The following MED12L variants were observed in gnomAD, a reference collection of about 807,000 sequenced individuals.
MED12L encodes mediator of RNA polymerase II transcription subunit 12-like protein.
A neutral mutation model predicts 281.3 loss-of-function variants in MED12L; 60 were observed. The observed-to-expected ratio is 0.21, with a 90% CI of 0.17 to 0.26. MED12L has a LOEUF of 0.26. Among genes scored for constraint, MED12L ranks in the 10% least tolerant of loss-of-function variants. The pLI, the probability that MED12L is intolerant of heterozygous loss-of-function variation, is 1.00. For missense variants in MED12L, 2,146 were observed against 2,680.9 expected (o/e 0.80, Z 4.41); for synonymous variants, 974 against 987.2 (o/e 0.99, Z 0.25).
At chr3:151,301,777 A>G (rs1425908807) in intron 16 of MED12L, among the ~76,000 whole-genome samples, 1 of 152,228 alleles carries the variant, frequency 6.6e-6, no homozygotes, top group Non-Finnish European at 1.5e-5. Context: ...TGGTGAAAAC[A>G]GGACCCCTTA....
intron 19 of MED12L, among the ~76,000 whole-genome samples, 170 bp from the exon 20 acceptor site, chr3:151,357,043 C>T (rs993586418): frequency 6.6e-6 from 1 of 151,902 alleles, no homozygotes; most frequent in African/African-American, 2.4e-5. Context: ...GATGTCTAGA[C>T]AGAAGAACAA....
intron 16 of MED12L, among the ~76,000 whole-genome samples, chr3:151,310,231 GA>G (rs1351009224): frequency 6.6e-6 from 1 of 152,176 alleles, no homozygotes; most frequent in African/African-American, 2.4e-5. Context: ...TAACACTTAT[GA>G]AATTTTCATA....
chr3:151,162,113 T>C (rs1351474416), intron 8 of MED12L, among the ~76,000 whole-genome samples: 1 of 152,166 alleles, frequency 6.6e-6, no homozygotes, highest in Non-Finnish European at 1.5e-5. Context: ...TATATTTTGA[T>C]GGGCAGATTT....
intron 17 of MED12L, among the ~76,000 whole-genome samples, chr3:151,353,923 C>T (rs1485190035): frequency 7.2e-5 from 11 of 151,820 alleles, no homozygotes; most frequent in African/African-American, 2.2e-4. Flanking sequence ...GGGCGGATCA[C>T]GAGGTCAGGA....
chr3:151,414,834 TC>T (rs1352063585), intron 42 of MED12L, among the ~76,000 whole-genome samples: 8 of 152,184 alleles, frequency 5.3e-5, no homozygotes, highest in Admixed American at 5.2e-4. Context: ...AGCTCTCTAA[TC>T]CTGTTTTGTC....
chr3:151,196,104 C>G (rs1195676350), intron 16 of MED12L, among the ~76,000 whole-genome samples: 1 of 152,190 alleles, frequency 6.6e-6, no homozygotes, highest in Non-Finnish European at 1.5e-5. Context: ...GGTTTTACAG[C>G]CTTTCCCTGC....
chr3:151,302,594 C>G (rs1746086013), intron 16 of MED12L, among the ~76,000 whole-genome samples: 1 of 152,142 alleles, frequency 6.6e-6, no homozygotes, highest in Non-Finnish European at 1.5e-5. Context: ...AAGTCAAGAT[C>G]TTGTTACTCT....
At chr3:151,259,197 G>T (rs1011994519) in intron 16 of MED12L, among the ~76,000 whole-genome samples, 11 of 152,310 alleles carry the variant, frequency 7.2e-5, no homozygotes, top group Middle Eastern at 3.4e-3. Context: ...CCTGCTGTAG[G>T]ATTACGGCCA....
intron 2 of MED12L, among the ~76,000 whole-genome samples, chr3:151,094,478 T>C (rs1720462237): frequency 6.6e-6 from 1 of 152,212 alleles, no homozygotes; most frequent in South Asian, 2.1e-4. Context: ...GGGGACGCTC[T>C]TACCTCCTAC....
chr3:151,198,487 A>T, intron 16 of MED12L: 1 of 1,613,016 alleles, frequency 6.2e-7, no homozygotes, highest in East Asian at 2.2e-5. Context: ...TAGGTGAGGC[A>T]AAAGTCTCAG....
chr3:151,328,105 G>A, intron 16 of MED12L: 1 of 1,611,568 alleles, frequency 6.2e-7, no homozygotes, highest in African/African-American at 1.3e-5. Flanking sequence ...ATAAGAATAT[G>A]TATATTAAGG....
chr3:151,265,655 G>A (rs985349193), intron 16 of MED12L, among the ~76,000 whole-genome samples: 5 of 152,144 alleles, frequency 3.3e-5, no homozygotes, highest in Non-Finnish European at 7.4e-5. Context: ...ATCTGAGTAG[G>A]TTTTAAAATG....
At chr3:151,116,201 C>A in intron 2 of MED12L, 137 bp from the exon 3 acceptor site, 1 of 586,324 alleles carries the variant, frequency 1.7e-6, no homozygotes, top group Non-Finnish European at 3.0e-6. Context: ...TCAATTTCTG[C>A]CTTCTCTGAT....
intron 16 of MED12L, among the ~76,000 whole-genome samples, chr3:151,236,513 G>A (rs1176117837): frequency 1.3e-5 from 2 of 152,152 alleles, no homozygotes; most frequent in Non-Finnish European, 2.9e-5. Context: ...CGAAAGCCAA[G>A]ACCTTGACAG....
chr3:151,280,457 C>T (rs1047101282), intron 16 of MED12L, among the ~76,000 whole-genome samples: 1 of 152,206 alleles, frequency 6.6e-6, no homozygotes, highest in Non-Finnish European at 1.5e-5. Context: ...GGAGATGTTA[C>T]ATCAGGTTGC....
At chr3:151,370,852 C>T (rs1756090928) in intron 26 of MED12L, among the ~76,000 whole-genome samples, 1 of 152,184 alleles carries the variant, frequency 6.6e-6, no homozygotes, top group African/African-American at 2.4e-5. Context: ...TGAGTACCTT[C>T]TAGACACTGG....
intron 43 of MED12L, among the ~76,000 whole-genome samples, chr3:151,420,971 A>G (rs1236117013): frequency 6.6e-6 from 1 of 152,178 alleles, no homozygotes; most frequent in Non-Finnish European, 1.5e-5. Context: ...TCAACCTGCC[A>G]CCATGTAGCT....
chr3:151,318,547 C>T (rs1748587735), intron 16 of MED12L, among the ~76,000 whole-genome samples: 1 of 152,056 alleles, frequency 6.6e-6, no homozygotes, highest in African/African-American at 2.4e-5. Context: ...CTGTTAAGTA[C>T]TAAAGGCATC....
At chr3:151,237,375 G>T (rs1215492939) in intron 16 of MED12L, among the ~76,000 whole-genome samples, 1 of 99,868 alleles carries the variant, frequency 1.0e-5, no homozygotes, top group Non-Finnish European at 1.9e-5. Flanking sequence ...TTGAGACAGA[G>T]TCTTACTCTT....
Sources: gnomAD v4.1 joint callset for allele counts (sites outside exome capture counted in the v4.1 genomes callset) on GRCh38, gnomAD v4.1.1 for gene constraint, MANE v1.5 for transcripts, NCBI Gene and HGNC (gene_info 2026-07-23, HGNC 2026-07-21) for gene names.